Variants in F10 observed in about 807,000 individuals in gnomAD.
The protein encoded by F10 is Stuart-Prower factor.
F10 carries 29 observed loss-of-function variants against 37.1 expected under a neutral mutation model. That is an observed-to-expected ratio of 0.78 (90% CI 0.58 to 1.07). F10 has a LOEUF of 1.07. Among genes scored for constraint, F10 ranks in the 50% least tolerant of loss-of-function variants. The probability of loss-of-function intolerance (pLI) is 0.00; values close to 1 mark genes in which losing one functional copy is unlikely to be tolerated. For missense variants in F10, 539 were observed against 667.9 expected (o/e 0.81, Z 2.13); for synonymous variants, 262 against 268.6 (o/e 0.98, Z 0.24).
At chr13:113,148,749 G>A (rs554198351) in intron 7 of F10, among the ~76,000 whole-genome samples, 167 bp from the exon 8 acceptor site, 1 of 152,260 alleles carries the variant, frequency 6.6e-6, no homozygotes, top group South Asian at 2.1e-4. Flanking sequence ...AAGGCTGACA[G>A]GCACTTTTAT....
chr13:113,147,368 G>A lies in F10; in HGVS notation c.748-11G>A, dbSNP rs190796727. 1.8e-5 allele frequency: 28 copies of A among 1,573,652 alleles called. No homozygotes were observed. The highest frequency in any genetic ancestry group is 1.5e-4 in the South Asian group (14 of 90,384). Reference sequence around the variant, plus strand: ...TGGCCAGCCACACTGAGCCTGTCACGTCTGTCACAGGCCCTGCTCATCAAT... The same window carrying A: ...TGGCCAGCCACACTGAGCCTGTCACATCTGTCACAGGCCCTGCTCATCAAT... On this transcript the variant is annotated splice_polypyrimidine_tract_variant and intron_variant, in intron 6 of 7. Transcript: ENST00000375559.
Position 113,139,608 on chromosome 13 carries a change from A to C in F10, c.370+138A>C. 1 of 732,602 alleles carries C rather than the reference A, an allele frequency of 1.4e-6. No individual in the cohort carries two copies. Among genetic ancestry groups the C allele is most frequent in the Non-Finnish European group, 2.4e-6 (1 of 417,328 alleles). 45.4% of individuals were successfully genotyped at this position (732,602 alleles called of 1,614,324 possible). On this transcript the variant is annotated intron_variant, in intron 4 of 7. Coordinates refer to ENST00000375559, the MANE Select transcript of F10 (RefSeq NM_000504.4). This position sits in a 1 kb window ranked among gnomAD's most constrained non-coding sequence, Gnocchi z 5.2. The stretch of plus-strand genomic sequence containing the variant: ...ACAAAGTCTGGGCTCTATTATACCT[A>C]TTATACTGTGCCACTATAGCAATAG...
chr13:113,129,378 T>G, intron 1 of F10, 74 bp from the exon 2 acceptor site: 3 of 1,315,982 alleles, frequency 2.3e-6, no homozygotes, highest in Non-Finnish European at 2.1e-6. Flanking sequence ...GACATGGCAG[T>G]CAGGGAGCAT....
chr13:113,126,693 G>A (rs985397645), intron 1 of F10, among the ~76,000 whole-genome samples: 10 of 152,326 alleles, frequency 6.6e-5, no homozygotes, highest in African/African-American at 2.2e-4. Context: ...ATGGAGGTGC[G>A]TCAGAACACC....
At chr13:113,137,560 C>T (rs1420187616) in intron 2 of F10, among the ~76,000 whole-genome samples, 1 of 152,170 alleles carries the variant, frequency 6.6e-6, no homozygotes, top group African/African-American at 2.4e-5. Context: ...CAAAGCACTA[C>T]AAACGCCTTA....
At chr13:113,134,932 A>C (rs552584028) in intron 2 of F10, among the ~76,000 whole-genome samples, 81 of 152,074 alleles carry the variant, frequency 5.3e-4, no homozygotes, top group Non-Finnish European at 1.0e-3. Context: ...GGATTGAAAG[A>C]CTCAACATAT....
chr13:113,140,133 G>A (rs2036513747), intron 4 of F10, among the ~76,000 whole-genome samples: 2 of 145,548 alleles, frequency 1.4e-5, no homozygotes, highest in Admixed American at 1.4e-4. Context: ...GAGTGCAGTG[G>A]CACGATCTCA....
At chr13:113,127,870 C>T (rs2142249830) in intron 1 of F10, among the ~76,000 whole-genome samples, 1 of 152,258 alleles carries the variant, frequency 6.6e-6, no homozygotes, top group East Asian at 1.9e-4. Flanking sequence ...AGGGGCACAG[C>T]TTGAGCCAAA....
At chr13:113,148,833 A>C (rs2036609535) in intron 7 of F10, 83 bp from the exon 8 acceptor site, 7 of 1,545,980 alleles carry the variant, frequency 4.5e-6, no homozygotes, top group Non-Finnish European at 6.1e-6. Context: ...TTAAAAAAAT[A>C]TATATAACTT....
Position 113,148,968 on chromosome 13 carries a change from G to T in F10, c.918G>T (p.Glu306Asp). ...EEGGEAVHEV[E>D]VVIKHNRFTK... ...GCGGTGAGGCGGTGCACGAGGTGGA[G>T]GTGGTCATCAAGCACAACCGGTTCA... The change falls in exon 8 of 8, where the codon GAG (glutamate) becomes GAT (aspartate). Residue 306 changes from glutamate to aspartate, a missense_variant. Physicochemically the swap from Glu to Asp is conservative, Grantham distance 45. Transcript: ENST00000375559. The T allele has an allele frequency of 6.2e-7, 1 of 1,613,570 alleles. No individual in the cohort carries two copies. Among genetic ancestry groups the T allele is most frequent in the Non-Finnish European group, 8.5e-7 (1 of 1,180,028 alleles).
rs767702668 is a variant in F10 at position 113,144,107 on chromosome 13, A to T, written c.747+12A>T. 1 of 1,613,446 alleles carries T rather than the reference A, an allele frequency of 6.2e-7. No homozygotes were observed. Among genetic ancestry groups the T allele is most frequent in the South Asian group, 1.1e-5 (1 of 91,084 alleles). The stretch of plus-strand genomic sequence containing the variant: ...AGTGTCCCTGGCAGGTAACAGTAGG[A>T]TGTCCCCTCGGGCCTGCTGGAGAGA... On this transcript the variant is annotated intron_variant, in intron 6 of 7. Coordinates refer to ENST00000375559, the MANE Select transcript of F10 (RefSeq NM_000504.4). The surrounding 1 kb of genome is among the most constrained non-coding windows in gnomAD (Gnocchi z 6.4).
chr13:113,140,060 C>T (rs1223124856), intron 4 of F10, among the ~76,000 whole-genome samples: 13 of 148,058 alleles, frequency 8.8e-5, no homozygotes, highest in South Asian at 8.5e-4. Flanking sequence ...TTTTAAAGTA[C>T]TTAATTGATC....
At position 113,139,108 on chromosome 13, in the gene F10, A is replaced by AACG. The variant is rs1457654733; in HGVS notation, c.257-247_257-246insGAC. On this transcript the variant is annotated intron_variant, in intron 3 of 7. Coordinates refer to ENST00000375559, the MANE Select transcript of F10 (RefSeq NM_000504.4). This position sits in a 1 kb window ranked among gnomAD's most constrained non-coding sequence, Gnocchi z 5.2. ...GTCCCTGTGGTCACCTCTGACTGTA[A>AACG]ACACACTGCAAAACACCGGCAAAAA... Among the ~76,000 whole-genome samples, 1 of 152,150 alleles carries AACG rather than the reference A, an allele frequency of 6.6e-6. No homozygotes were observed. The highest frequency in any genetic ancestry group is 6.5e-5 in the Admixed American group (1 of 15,278).
At chr13:113,136,128 T>C (rs2036476060) in intron 2 of F10, among the ~76,000 whole-genome samples, 1 of 149,892 alleles carries the variant, frequency 6.7e-6, no homozygotes, top group Non-Finnish European at 1.5e-5. Flanking sequence ...AAAATAAACA[T>C]GTGAGAAGAT....
Position 113,144,347 on chromosome 13 carries a change from T to C in F10, c.747+252T>C. 6.9e-6 allele frequency: 4 copies of C among 582,930 alleles called. No individual in the cohort carries two copies. The highest frequency in any genetic ancestry group is 9.1e-6 in the Non-Finnish European group (3 of 327,924). The allele number at this position is 582,930 out of a possible 1,614,324, so 36.1% of individuals were successfully genotyped here. ...CCCAGGCAACGCCCCCCTCAGCCCC[T>C]TCCCACTGGGCATTTCCATGGCTGC... On this transcript the variant is annotated intron_variant, in intron 6 of 7. Coordinates refer to ENST00000375559, the MANE Select transcript of F10 (RefSeq NM_000504.4). The surrounding 1 kb of genome is among the most constrained non-coding windows in gnomAD (Gnocchi z 6.4).
At position 113,139,458 on chromosome 13, in the gene F10, A is replaced by C; in HGVS notation, c.358A>C (p.Asn120His). ...CTGTTTAGAAGGATTCGAAGGCAAAAACTGTGAATTATGTAGGTTCCTCTG... is the reference window on the plus strand; with the variant it reads ...CTGTTTAGAAGGATTCGAAGGCAAACACTGTGAATTATGTAGGTTCCTCTG... ...CTCLEGFEGK[N>H]CELFTRKLCS... The change falls in exon 4 of 8, where the codon AAC becomes CAC. Residue 120 changes from asparagine to histidine, a missense_variant. Physicochemically the swap from Asn to His is moderately conservative, Grantham distance 68. This residue lies in a region of F10 where 409 missense variants were observed against 547.9 expected (regional missense o/e 0.75). Coordinates refer to ENST00000375559, the MANE Select transcript of F10 (RefSeq NM_000504.4). This position sits in a 1 kb window ranked among gnomAD's most constrained non-coding sequence, Gnocchi z 5.2. The C allele has an allele frequency of 6.2e-7, 1 of 1,613,632 alleles. No homozygotes were observed.
chr13:113,142,369 G>A (rs540081890), intron 5 of F10, among the ~76,000 whole-genome samples: 20 of 140,112 alleles, frequency 1.4e-4, no homozygotes, highest in Middle Eastern at 3.5e-3. Flanking sequence ...GTGAAACCCC[G>A]TCTCTAGTAA....
At chr13:113,129,135 G>A (rs1431990347) in intron 1 of F10, among the ~76,000 whole-genome samples, 1 of 152,126 alleles carries the variant, frequency 6.6e-6, no homozygotes, top group Non-Finnish European at 1.5e-5. Flanking sequence ...ACTCTGTTTG[G>A]TCAGCCTCAA....
intron 4 of F10, among the ~76,000 whole-genome samples, chr13:113,140,251 T>G (rs530616287): frequency 9.9e-5 from 15 of 152,084 alleles, no homozygotes; most frequent in African/African-American, 3.4e-4. Flanking sequence ...TTTTTTTTTT[T>G]TTTAATTTTT....
Sources: gnomAD v4.1 joint callset for allele counts (sites outside exome capture counted in the v4.1 genomes callset) on GRCh38, gnomAD v4.1.1 for gene constraint, gnomAD v4.1.1 regional missense constraint, Gnocchi (gnomAD v3.1) non-coding constraint, MANE v1.5 for transcripts, NCBI Gene and HGNC (gene_info 2026-07-23, HGNC 2026-07-21) for gene names.